The following ZNF385B variants were observed in gnomAD, a reference collection of about 807,000 sequenced individuals.
ZNF385B encodes the protein zinc finger protein 385B.
ZNF385B carries 23 observed loss-of-function variants against 39.2 expected under a neutral mutation model. The observed-to-expected ratio is 0.59, with a 90% CI of 0.42 to 0.83. The LOEUF (loss-of-function observed/expected upper bound fraction) is 0.83, where lower values mean the gene tolerates loss of function less well. Ranked by LOEUF, ZNF385B falls within the 40% of genes least tolerant of loss-of-function variation. The probability of loss-of-function intolerance (pLI) is 0.00; values close to 1 mark genes in which losing one functional copy is unlikely to be tolerated. For synonymous variants in ZNF385B, 205 were observed against 222.6 expected, an observed-to-expected ratio of 0.92 and a Z score of 0.70; for missense variants, 552 against 598.9, an observed-to-expected ratio of 0.92 and a Z score of 0.82.
chr2:179,463,660 A>G (rs754171221), intron 6 of ZNF385B, among the ~76,000 whole-genome samples: 19 of 152,198 alleles, frequency 1.2e-4, no homozygotes, highest in Non-Finnish European at 2.6e-4. Flanking sequence ...AGCTTCATCT[A>G]TGTCCCTGCA....
intron 1 of ZNF385B, among the ~76,000 whole-genome samples, chr2:179,824,875 A>AT (rs1327646282): frequency 6.6e-6 from 1 of 151,652 alleles, no homozygotes; most frequent in East Asian, 1.9e-4. Flanking sequence ...GGGTAGTCTG[A>AT]TTTAAAAAAA....
chr2:179,799,072 T>C (rs919997248), intron 1 of ZNF385B, among the ~76,000 whole-genome samples: 1 of 152,068 alleles, frequency 6.6e-6, no homozygotes, highest in Non-Finnish European at 1.5e-5. Context: ...TAGTACACTA[T>C]ATATACATTT....
intron 5 of ZNF385B, among the ~76,000 whole-genome samples, chr2:179,518,016 TG>T (rs1235826021): frequency 6.6e-6 from 1 of 152,158 alleles, no homozygotes; most frequent in Non-Finnish European, 1.5e-5. Context: ...ATAGTAAAAA[TG>T]GTTTTCTTCC....
chr2:179,707,005 T>A (rs1371772586), intron 3 of ZNF385B, among the ~76,000 whole-genome samples: 1 of 152,084 alleles, frequency 6.6e-6, no homozygotes, highest in Non-Finnish European at 1.5e-5. Context: ...GGGACCCCCA[T>A]GATGTGCTAT....
chr2:179,446,309 A>C (rs1298440315), intron 7 of ZNF385B, among the ~76,000 whole-genome samples: 1 of 152,192 alleles, frequency 6.6e-6, no homozygotes, highest in Non-Finnish European at 1.5e-5. Flanking sequence ...GTTTTTAAGA[A>C]AATAAAGAAT....
At chr2:179,746,345 G>C (rs1345998561) in intron 3 of ZNF385B, among the ~76,000 whole-genome samples, 2 of 152,038 alleles carry the variant, frequency 1.3e-5, no homozygotes, top group African/African-American at 4.8e-5. Context: ...TAGGTTCCTG[G>C]GACTTCGCTA....
intron 6 of ZNF385B, among the ~76,000 whole-genome samples, chr2:179,466,904 A>G (rs1414741436): frequency 7.5e-6 from 1 of 132,794 alleles, no homozygotes; most frequent in Non-Finnish European, 1.6e-5. Context: ...CTGGCAACAG[A>G]GCAAGACTGT....
At chr2:179,459,711 TATA>T (rs1298543709) in intron 6 of ZNF385B, among the ~76,000 whole-genome samples, 14 of 151,056 alleles carry the variant, frequency 9.3e-5, no homozygotes, top group South Asian at 2.1e-4. Context: ...AAATGTGCAT[TATA>T]ATAATAAATG....
At chr2:179,602,187 GT>G (rs536441393) in intron 3 of ZNF385B, among the ~76,000 whole-genome samples, 110 of 152,162 alleles carry the variant, frequency 7.2e-4, no homozygotes, top group Non-Finnish European at 1.1e-3. Context: ...TAGACTATTT[GT>G]ATGAGCTTAT....
At chr2:179,792,379 T>TC (rs913070989) in intron 1 of ZNF385B, among the ~76,000 whole-genome samples, 10 of 144,486 alleles carry the variant, frequency 6.9e-5, no homozygotes, top group East Asian at 2.0e-4. Context: ...TCTTTTCTTT[T>TC]TTTTTTTTTT....
intron 3 of ZNF385B, among the ~76,000 whole-genome samples, chr2:179,736,806 C>T (rs540464815): frequency 6.6e-6 from 1 of 152,046 alleles, no homozygotes. Context: ...CCCATCTCTA[C>T]TAAAATACAA....
intron 4 of ZNF385B, among the ~76,000 whole-genome samples, chr2:179,538,150 C>T (rs185418574): frequency 6.6e-6 from 1 of 152,074 alleles, no homozygotes; most frequent in Admixed American, 6.5e-5. Context: ...GTCAGTTGGA[C>T]ATACTAGTAT....
At chr2:179,609,170 T>G (rs566756518) in intron 3 of ZNF385B, among the ~76,000 whole-genome samples, 10 of 152,214 alleles carry the variant, frequency 6.6e-5, no homozygotes, top group African/African-American at 2.4e-4. Context: ...TCATTCTATC[T>G]AACTACATTT....
At chr2:179,602,190 T>C (rs554646743) in intron 3 of ZNF385B, among the ~76,000 whole-genome samples, 1 of 152,366 alleles carries the variant, frequency 6.6e-6, no homozygotes, top group South Asian at 2.1e-4. Context: ...ACTATTTGTA[T>C]GAGCTTATTT....
intron 3 of ZNF385B, among the ~76,000 whole-genome samples, chr2:179,754,309 T>C (rs1174772408): frequency 6.6e-6 from 1 of 152,208 alleles, no homozygotes; most frequent in Non-Finnish European, 1.5e-5. Flanking sequence ...GATAAGCTTT[T>C]TGATGTGCTG....
intron 1 of ZNF385B, among the ~76,000 whole-genome samples, chr2:179,774,645 C>T (rs950973328): frequency 1.1e-4 from 16 of 152,106 alleles, no homozygotes; most frequent in Admixed American, 9.8e-4. Context: ...GTGTGAGCCA[C>T]CGCACCCGGC....
chr2:179,510,832 T>C (rs772394915), intron 5 of ZNF385B, among the ~76,000 whole-genome samples: 5 of 152,086 alleles, frequency 3.3e-5, no homozygotes, highest in Non-Finnish European at 5.9e-5. Flanking sequence ...AGAAATGTGA[T>C]AGTTTAGAAG....
intron 3 of ZNF385B, among the ~76,000 whole-genome samples, chr2:179,607,779 CAG>C (rs1043817987): frequency 2.0e-5 from 3 of 152,110 alleles, no homozygotes; most frequent in Non-Finnish European, 4.4e-5. Flanking sequence ...CCTTGTCTGG[CAG>C]AGAGGGTTTT....
intron 6 of ZNF385B, among the ~76,000 whole-genome samples, chr2:179,455,332 T>A (rs537481786): frequency 6.6e-6 from 1 of 152,120 alleles, no homozygotes; most frequent in South Asian, 2.1e-4. Flanking sequence ...AATCTCTGTG[T>A]GTCATGGGCT....
Sources: allele counts gnomAD v4.1 joint callset (sites outside exome capture counted in the v4.1 genomes callset), GRCh38; gene constraint gnomAD v4.1.1; transcripts MANE v1.5; gene names NCBI Gene and HGNC (gene_info 2026-07-23, HGNC 2026-07-21).